Variants in RASGRP1 observed in about 807,000 individuals in gnomAD.
RASGRP1 encodes RAS guanyl-releasing protein 1.
A neutral mutation model predicts 95.1 loss-of-function variants in RASGRP1; 37 were observed. The ratio of observed to expected loss-of-function variants is 0.39; its 90% confidence interval spans 0.30 to 0.51. The LOEUF (loss-of-function observed/expected upper bound fraction) is 0.51. Ranked by LOEUF, RASGRP1 falls within the 20% of genes least tolerant of loss-of-function variation. RASGRP1 has a pLI of 0.80. For synonymous variants in RASGRP1, 325 were observed against 353.4 expected, an observed-to-expected ratio of 0.92 and a Z score of 0.90; for missense variants, 711 against 965.4, an observed-to-expected ratio of 0.74 and a Z score of 3.49.
intron 3 of RASGRP1, among the ~76,000 whole-genome samples, chr15:38,521,871 G>C (rs1892014427): frequency 6.6e-6 from 1 of 152,178 alleles, no homozygotes; most frequent in South Asian, 2.1e-4. Context: ...TTCCAGGTCA[G>C]AGAACAGGGA....
chr15:38,516,444 A>G, intron 5 of RASGRP1, 94 bp from the exon 6 acceptor site: 2 of 1,421,744 alleles, frequency 1.4e-6, no homozygotes, highest in Non-Finnish European at 2.0e-6. Flanking sequence ...AAGAATATAC[A>G]AAACACCATT....
intron 2 of RASGRP1, chr15:38,534,634 C>A (rs919790980): frequency 6.6e-6 from 1 of 152,226 alleles, no homozygotes; most frequent in African/African-American, 2.4e-5. Context: ...CCAGGCTCAT[C>A]TCTTCTCTCC....
chr15:38,511,226 ACCT>A (rs1441162420), intron 8 of RASGRP1, among the ~76,000 whole-genome samples: 3 of 152,180 alleles, frequency 2.0e-5, no homozygotes, highest in Non-Finnish European at 2.9e-5. Context: ...GTGCAAACTG[ACCT>A]ATGGTCAACC....
In RASGRP1 at chr15:38,494,544, G is replaced by A. The variant is rs1436083655; in HGVS notation, c.2097C>T (p.Ala699=). 1.3e-6 allele frequency: 2 copies of A among 1,587,196 alleles called. No individual in the cohort carries two copies. The highest frequency in any genetic ancestry group is 1.8e-5 in the Admixed American group (1 of 55,166). The part of the protein sequence containing the change: ...PFVLSSPRKT[A]QDTLYVLPSP... ...TGGGAAGCACATATAGAGTATCCTGGGCTGTCTTCCTTGGGGAAGACAGCA... is the reference window on the plus strand; with the variant it reads ...TGGGAAGCACATATAGAGTATCCTGAGCTGTCTTCCTTGGGGAAGACAGCA... Residue 699 remains alanine, a synonymous_variant, in exon 16 of 17, where the codon GCC becomes GCT. Transcript: ENST00000310803.
rs555218912 is a variant in RASGRP1 at position 38,551,563 on chromosome 15, A to G, written c.220+8258T>C. Among the ~76,000 whole-genome samples, 13 of 152,332 alleles carry G rather than the reference A, an allele frequency of 8.5e-5. No homozygotes were observed. The South Asian group carries it at 2.3e-3, about 27-fold the overall frequency. On this transcript the variant is annotated intron_variant, in intron 2 of 16. Coordinates refer to ENST00000310803, the MANE Select transcript of RASGRP1 (RefSeq NM_005739.4). ...TTAAGTAAAACTGATTAAAATGACAATGGACTATTAATTAAATCTTTGGAA... is the reference window on the plus strand; with the variant it reads ...TTAAGTAAAACTGATTAAAATGACAGTGGACTATTAATTAAATCTTTGGAA...
chr15:38,559,839 T>C lies in RASGRP1; in HGVS notation c.202A>G (p.Ser68Gly). The C allele has an allele frequency of 6.2e-7, 1 of 1,613,900 alleles. No homozygotes were observed. Among genetic ancestry groups the C allele is most frequent in the Non-Finnish European group, 8.5e-7 (1 of 1,179,792 alleles). Residue 68 changes from serine to glycine, a missense_variant, in exon 2 of 17, where the codon AGC becomes GGC. Physicochemically the swap from Ser to Gly is moderately conservative, Grantham distance 56 (BLOSUM62 0). Coordinates refer to ENST00000310803, the MANE Select transcript of RASGRP1 (RefSeq NM_005739.4). ...KGASLDDLID[S>G]CIQSFDADGN... Reference sequence around the variant, plus strand: ...AACTTACCAAAAGATTGAATGCAGCTGTCAATGAGATCGTCCAGGCTGGCT... The same window carrying C: ...AACTTACCAAAAGATTGAATGCAGCCGTCAATGAGATCGTCCAGGCTGGCT...
At chr15:38,514,616 C>CA (rs949436972) in intron 6 of RASGRP1, among the ~76,000 whole-genome samples, 2 of 151,850 alleles carry the variant, frequency 1.3e-5, no homozygotes, top group Non-Finnish European at 2.9e-5. Context: ...ACAGGAAAAA[C>CA]AAAAAAACCC....
intron 13 of RASGRP1, among the ~76,000 whole-genome samples, 168 bp from the exon 14 acceptor site, chr15:38,500,307 G>A (rs1297791182): frequency 6.6e-6 from 1 of 151,492 alleles, no homozygotes; most frequent in African/African-American, 2.4e-5. Context: ...CATGAGAAGA[G>A]TTTATGCTGA....
intron 2 of RASGRP1, among the ~76,000 whole-genome samples, chr15:38,544,732 G>A (rs928304458): frequency 1.6e-4 from 24 of 152,180 alleles, no homozygotes; most frequent in African/African-American, 5.1e-4. Context: ...AGCAGAAAAC[G>A]AACTAAGATA....
In RASGRP1 at chr15:38,564,731, G is replaced by T; in HGVS notation, c.-103C>A. ...CGCCTGCCGGCTCTCTCCCCCCCGG[G>T]CCTCGTAGCCCCGGCGCCCGCCAGC... On this transcript the variant is annotated 5_prime_UTR_variant, in exon 1 of 17. Coordinates refer to ENST00000310803, the MANE Select transcript of RASGRP1 (RefSeq NM_005739.4). 2 of 1,008,794 alleles carry T rather than the reference G, an allele frequency of 2.0e-6. No homozygotes were observed. Among genetic ancestry groups the T allele is most frequent in the Non-Finnish European group, 2.5e-6 (2 of 809,870 alleles). 62.5% of individuals were successfully genotyped at this position (1,008,794 alleles called of 1,614,324 possible). A position where few individuals can be genotyped will look rare whatever the true frequency, so the allele number is the denominator to read the frequency against.
chr15:38,493,054 A>G (rs577490874), intron 16 of RASGRP1, among the ~76,000 whole-genome samples: 7 of 149,376 alleles, frequency 4.7e-5, no homozygotes, highest in South Asian at 2.1e-4. Flanking sequence ...CTAATTTTTT[A>G]TATTTTTAGT....
chr15:38,493,463 C>A (rs187922061), intron 16 of RASGRP1, among the ~76,000 whole-genome samples: 6 of 152,136 alleles, frequency 3.9e-5, no homozygotes, highest in Non-Finnish European at 8.8e-5. Context: ...TGAGCCACCA[C>A]GCCCAGCCCT....
At chr15:38,520,218 G>GT (rs1595852944) in intron 3 of RASGRP1, among the ~76,000 whole-genome samples, 1 of 152,200 alleles carries the variant, frequency 6.6e-6, no homozygotes, top group East Asian at 1.9e-4. Flanking sequence ...GTGCCCGCCC[G>GT]TAAAGGCCAT....
At chr15:38,512,734 G>C (rs1315959607) in intron 7 of RASGRP1, 49 bp downstream of exon 7, 20 of 1,603,682 alleles carry the variant, frequency 1.2e-5, no homozygotes, top group Non-Finnish European at 1.7e-5. Flanking sequence ...AAAGGGGATA[G>C]AAAGTTTACC....
intron 2 of RASGRP1, among the ~76,000 whole-genome samples, chr15:38,538,697 G>T (rs552910843): frequency 5.6e-4 from 85 of 152,276 alleles, no homozygotes; most frequent in African/African-American, 1.9e-3. Flanking sequence ...CTCTGGGATG[G>T]CCCTGATTGT....
chr15:38,510,916 G>A (rs28528886), intron 8 of RASGRP1, among the ~76,000 whole-genome samples: 94,593 of 152,140 alleles, frequency 0.62, 29,618 homozygotes, highest in South Asian at 0.77. Context: ...AGCTATGATC[G>A]TGCCAGCCTG....
At chr15:38,518,840 G>A (rs1362069664) in intron 4 of RASGRP1, among the ~76,000 whole-genome samples, 2 of 152,128 alleles carry the variant, frequency 1.3e-5, no homozygotes, top group Non-Finnish European at 2.9e-5. Flanking sequence ...AATGACTAGA[G>A]AAGATTCTCA....
chr15:38,528,255 A>T (rs1892306157), intron 2 of RASGRP1, among the ~76,000 whole-genome samples: 1 of 152,134 alleles, frequency 6.6e-6, no homozygotes, highest in African/African-American at 2.4e-5. Context: ...AAAACCAAAT[A>T]AAACAAAACC....
At chr15:38,562,154 G>A (rs1191990141) in intron 1 of RASGRP1, among the ~76,000 whole-genome samples, 1 of 152,146 alleles carries the variant, frequency 6.6e-6, no homozygotes, top group Non-Finnish European at 1.5e-5. Flanking sequence ...ACAACATCAG[G>A]ATTAGTAGTA....
Sources: gnomAD v4.1 joint callset for allele counts (sites outside exome capture counted in the v4.1 genomes callset) on GRCh38, gnomAD v4.1.1 for gene constraint, MANE v1.5 for transcripts, NCBI Gene and HGNC (gene_info 2026-07-23, HGNC 2026-07-21) for gene names.